The following ATP8A1 variants were observed in gnomAD, a reference collection of about 807,000 sequenced individuals.
ATP8A1 encodes ATPase phospholipid transporting 8A1.
Under a neutral mutation model 177.7 loss-of-function variants are expected in ATP8A1, and 90 were observed. The ratio of observed to expected loss-of-function variants is 0.51; its 90% CI spans 0.43 to 0.60. ATP8A1 has a LOEUF of 0.60. Ranked by LOEUF, ATP8A1 falls within the 20% of genes least tolerant of loss-of-function variation. ATP8A1 has a pLI of 0.00. For missense variants in ATP8A1, 1,072 were observed against 1,392.8 expected (o/e 0.77, Z 3.67); for synonymous variants, 493 against 485.9 (o/e 1.01, Z -0.19).
At chr4:42,544,086 A>T in intron 19 of ATP8A1, 100 bp from the exon 20 acceptor site, 3 of 920,490 alleles carry the variant, frequency 3.3e-6, no homozygotes, top group Non-Finnish European at 5.1e-6. Flanking sequence ...GTAAAAAAAT[A>T]AATCTGACCA....
chr4:42,573,769 G>A (rs1732142639), intron 14 of ATP8A1, among the ~76,000 whole-genome samples: 1 of 152,158 alleles, frequency 6.6e-6, no homozygotes, highest in Admixed American at 6.5e-5. Flanking sequence ...CTGGCTTACT[G>A]CTCAGAGTGA....
intron 30 of ATP8A1, among the ~76,000 whole-genome samples, chr4:42,451,139 G>T (rs939291497): frequency 2.0e-5 from 3 of 152,196 alleles, no homozygotes; most frequent in Admixed American, 6.5e-5. Context: ...CCTGATTCAT[G>T]TTCTGCAGGG....
chr4:42,547,440 CT>C (rs1729041317), intron 19 of ATP8A1, among the ~76,000 whole-genome samples: 1 of 152,204 alleles, frequency 6.6e-6, no homozygotes, highest in African/African-American at 2.4e-5. Flanking sequence ...TTAAACCCAC[CT>C]TCATCATTGA....
At chr4:42,512,732 C>T (rs1725132422) in intron 22 of ATP8A1, among the ~76,000 whole-genome samples, 1 of 152,128 alleles carries the variant, frequency 6.6e-6, no homozygotes, top group South Asian at 2.1e-4. Flanking sequence ...TTCAGAATCA[C>T]CCGAGGAGCT....
chr4:42,595,728 C>T (rs1429739445), intron 6 of ATP8A1, among the ~76,000 whole-genome samples: 3 of 152,128 alleles, frequency 2.0e-5, no homozygotes, highest in Non-Finnish European at 2.9e-5. Flanking sequence ...GTTAATGTTT[C>T]CTCTTAAATT....
chr4:42,515,681 T>C (rs1012395325), intron 22 of ATP8A1, among the ~76,000 whole-genome samples: 2 of 152,138 alleles, frequency 1.3e-5, no homozygotes, highest in African/African-American at 2.4e-5. Flanking sequence ...TGGAATGACA[T>C]TGTTTTAGTT....
intron 1 of ATP8A1, among the ~76,000 whole-genome samples, chr4:42,653,460 G>A (rs1233651229): frequency 6.6e-6 from 1 of 152,182 alleles, no homozygotes; most frequent in Non-Finnish European, 1.5e-5. Context: ...TCTGCTGAAT[G>A]AGTTAATGAT....
intron 5 of ATP8A1, among the ~76,000 whole-genome samples, chr4:42,601,186 C>A (rs1452050154): frequency 6.6e-6 from 1 of 151,638 alleles, no homozygotes; most frequent in African/African-American, 2.4e-5. Context: ...CAGGCATGCA[C>A]CACCATGTGT....
At chr4:42,533,528 T>C (rs533331978) in intron 20 of ATP8A1, among the ~76,000 whole-genome samples, 182 of 152,204 alleles carry the variant, frequency 1.2e-3, no homozygotes, top group African/African-American at 4.2e-3. Flanking sequence ...AGCTCAGACA[T>C]GCCTGACTCT....
At chr4:42,603,253 T>G (rs1469297007) in intron 5 of ATP8A1, among the ~76,000 whole-genome samples, 1 of 152,196 alleles carries the variant, frequency 6.6e-6, no homozygotes, top group African/African-American at 2.4e-5. Context: ...TAATTTTTCT[T>G]GGATATGTTT....
In ATP8A1 at chr4:42,594,501, A is replaced by G. The variant is rs1423395093; in HGVS notation, c.451-3617T>C. ...ACCACTTATCTTCACAAAATGGAAG[A>G]AAATTATCTAGGAGTGAGACCAGGG... On this transcript the variant is annotated intron_variant, in intron 6 of 36. Transcript: ENST00000381668. 5.0e-6 allele frequency: 3 copies of G among 595,032 alleles called. No homozygotes were observed. The African/African-American group carries it at 5.5e-5, about 11-fold the overall frequency. 36.9% of individuals were successfully genotyped at this position (595,032 alleles called of 1,614,324 possible). A position where few individuals can be genotyped will look rare whatever the true frequency, so the allele number is the denominator to read the frequency against.
chr4:42,535,383 G>C (rs551120379), intron 20 of ATP8A1, among the ~76,000 whole-genome samples: 1 of 152,240 alleles, frequency 6.6e-6, no homozygotes, highest in African/African-American at 2.4e-5. Flanking sequence ...ATTATATAAT[G>C]ACAAAAGGAC....
intron 16 of ATP8A1, among the ~76,000 whole-genome samples, chr4:42,552,859 A>G (rs1369975219): frequency 6.6e-6 from 1 of 152,188 alleles, no homozygotes; most frequent in African/African-American, 2.4e-5. Flanking sequence ...GGCGCCTGTA[A>G]TGCCAGCTAT....
At chr4:42,500,953 A>G (rs1475710730) in intron 24 of ATP8A1, among the ~76,000 whole-genome samples, 1 of 152,228 alleles carries the variant, frequency 6.6e-6, no homozygotes, top group Non-Finnish European at 1.5e-5. Flanking sequence ...ATTATGGAAG[A>G]CAAAGATTTC....
chr4:42,517,074 G>A (rs1231499436), intron 22 of ATP8A1, among the ~76,000 whole-genome samples: 1 of 151,416 alleles, frequency 6.6e-6, no homozygotes, highest in Non-Finnish European at 1.5e-5. Flanking sequence ...GCCAAGGGGG[G>A]GTGGATCACG....
intron 30 of ATP8A1, among the ~76,000 whole-genome samples, chr4:42,448,615 C>T (rs887904640): frequency 1.3e-4 from 19 of 151,330 alleles, no homozygotes; most frequent in African/African-American, 3.9e-4. Flanking sequence ...CCAGGCTGGT[C>T]TCGAACTCCT....
At chr4:42,457,882 T>C (rs989129044) in intron 27 of ATP8A1, among the ~76,000 whole-genome samples, 1 of 152,210 alleles carries the variant, frequency 6.6e-6, no homozygotes, top group Admixed American at 6.5e-5. Flanking sequence ...AATTTTTAAG[T>C]GGAAAGGTAT....
intron 1 of ATP8A1, among the ~76,000 whole-genome samples, chr4:42,629,894 T>G (rs1738545326): frequency 6.6e-6 from 1 of 152,226 alleles, no homozygotes; most frequent in South Asian, 2.1e-4. Flanking sequence ...TTAACGTAAG[T>G]AACCTGTCAA....
chr4:42,600,402 A>G (rs1245323908), intron 6 of ATP8A1, 76 bp downstream of exon 6: 4 of 1,188,052 alleles, frequency 3.4e-6, no homozygotes, highest in Non-Finnish European at 2.3e-6. Context: ...TGCTCATATT[A>G]TACAAAAAAT....
Sources: allele counts gnomAD v4.1 joint callset (sites outside exome capture counted in the v4.1 genomes callset), GRCh38; gene constraint gnomAD v4.1.1; transcripts MANE v1.5; gene names NCBI Gene and HGNC (gene_info 2026-07-23, HGNC 2026-07-21).